Variants in UBAP1 observed in about 807,000 individuals in gnomAD.
UBAP1 encodes ubiquitin associated protein 1, also known as ubiquitin-associated protein 1.
Under a neutral mutation model 39.0 loss-of-function variants are expected in UBAP1, and 5 were observed. That is an observed-to-expected ratio of 0.13 (90% CI 0.07 to 0.27). The LOEUF (loss-of-function observed/expected upper bound fraction) is 0.27. Among genes scored for constraint, UBAP1 ranks in the 10% least tolerant of loss-of-function variants. The pLI, the probability that UBAP1 is intolerant of heterozygous loss-of-function variation, is 1.00. For synonymous variants in UBAP1, 211 were observed against 225.1 expected, an observed-to-expected ratio of 0.94 and a Z score of 0.56; for missense variants, 490 against 608.1, an observed-to-expected ratio of 0.81 and a Z score of 2.04.
At chr9:34,240,073 A>G (rs1221590104) in intron 3 of UBAP1, among the ~76,000 whole-genome samples, 3 of 152,182 alleles carry the variant, frequency 2.0e-5, no homozygotes, top group Admixed American at 6.5e-5. Flanking sequence ...TATAGCCTCC[A>G]TTTTTATTAG....
chr9:34,192,140 G>A (rs937873984), intron 1 of UBAP1, among the ~76,000 whole-genome samples: 1 of 150,924 alleles, frequency 6.6e-6, no homozygotes, highest in Non-Finnish European at 1.5e-5. Flanking sequence ...CACGGTCCCC[G>A]GCCTGTATAA....
At chr9:34,191,159 A>T (rs1430580249) in intron 1 of UBAP1, among the ~76,000 whole-genome samples, 1 of 152,196 alleles carries the variant, frequency 6.6e-6, no homozygotes, top group Non-Finnish European at 1.5e-5. Flanking sequence ...GCTGGACAGC[A>T]CTGTTGTAGG....
In UBAP1 at chr9:34,182,628, T is replaced by C. The variant is rs1028152933; in HGVS notation, c.-8+3388T>C. 2.6e-3 allele frequency among the ~76,000 whole-genome samples: 123 copies of C among 47,370 alleles called. 3 individuals are homozygous for C. Among genetic ancestry groups the C allele is most frequent in the African/African-American group, 6.8e-3 (116 of 17,004 alleles). 31.1% of individuals were successfully genotyped at this position (47,370 alleles called of 152,430 possible). A position where few individuals can be genotyped will look rare whatever the true frequency, so the allele number is the denominator to read the frequency against. Reference sequence around the variant, plus strand: ...TTTTCTTTCTTTCCTTCTTTCTTTCTTTCTTTCTTTCTTTCTTTCTTTCTT... The same window carrying C: ...TTTTCTTTCTTTCCTTCTTTCTTTCCTTCTTTCTTTCTTTCTTTCTTTCTT... On this transcript the variant is annotated intron_variant, in intron 1 of 6. Transcript: ENST00000297661.
intron 1 of UBAP1, among the ~76,000 whole-genome samples, chr9:34,199,480 C>T (rs1463462678): frequency 6.6e-6 from 1 of 152,144 alleles, no homozygotes; most frequent in African/African-American, 2.4e-5. Context: ...CAGAGAGTTC[C>T]TGGCTATCCC....
intron 1 of UBAP1, among the ~76,000 whole-genome samples, chr9:34,217,414 T>G (rs937633819): frequency 6.6e-6 from 1 of 152,102 alleles, no homozygotes; most frequent in Non-Finnish European, 1.5e-5. Flanking sequence ...TTTTTGTATT[T>G]TTGTAGATAC....
At chr9:34,238,543 T>C (rs1173792478) in intron 3 of UBAP1, among the ~76,000 whole-genome samples, 2 of 152,222 alleles carry the variant, frequency 1.3e-5, no homozygotes, top group Non-Finnish European at 2.9e-5. Flanking sequence ...TTTCATTATA[T>C]ACATTCTTGT....
chr9:34,224,512 G>T (rs970334597), intron 2 of UBAP1: 3 of 395,554 alleles, frequency 7.6e-6, no homozygotes, highest in Middle Eastern at 3.7e-4. Flanking sequence ...CGTGGCAGGG[G>T]CCAATGTTGG....
intron 1 of UBAP1, among the ~76,000 whole-genome samples, chr9:34,202,599 A>G (rs1214005882): frequency 1.6e-5 from 2 of 125,956 alleles, no homozygotes; most frequent in Non-Finnish European, 3.3e-5. Flanking sequence ...TATGGGAGTT[A>G]TGGGCCAGAA....
At chr9:34,195,196 C>T (rs563849863) in intron 1 of UBAP1, among the ~76,000 whole-genome samples, 1 of 150,916 alleles carries the variant, frequency 6.6e-6, no homozygotes. Context: ...CATTGAAGTC[C>T]CCTTTAGTTT....
chr9:34,235,001 T>A (rs929094615), intron 3 of UBAP1, among the ~76,000 whole-genome samples: 1 of 152,046 alleles, frequency 6.6e-6, no homozygotes, highest in Non-Finnish European at 1.5e-5. Flanking sequence ...TGAAACAAGA[T>A]GGGAAGGTGG....
chr9:34,247,129 A>AAT, intron 4 of UBAP1, among the ~76,000 whole-genome samples: 1 of 152,266 alleles, frequency 6.6e-6, no homozygotes, highest in Non-Finnish European at 1.5e-5. Flanking sequence ...CCCTGGAGTA[A>AAT]ATAAATTTGG....
At chr9:34,206,455 A>G (rs1178247775) in intron 1 of UBAP1, among the ~76,000 whole-genome samples, 1 of 152,108 alleles carries the variant, frequency 6.6e-6, no homozygotes, top group Non-Finnish European at 1.5e-5. Flanking sequence ...GGCTGCAGTG[A>G]GTCAAGATTG....
At chr9:34,183,436 T>G (rs1262649814) in intron 1 of UBAP1, among the ~76,000 whole-genome samples, 3 of 151,208 alleles carry the variant, frequency 2.0e-5, no homozygotes, top group African/African-American at 7.3e-5. Context: ...TCCCAGCTAC[T>G]CGGGAGGCTG....
intron 4 of UBAP1, among the ~76,000 whole-genome samples, chr9:34,242,926 C>G (rs532154657): frequency 6.6e-6 from 1 of 152,304 alleles, no homozygotes; most frequent in South Asian, 2.1e-4. Flanking sequence ...CCATAACAAG[C>G]CTGCTATTAG....
Position 34,241,443 on chromosome 9 carries a change from A to G in UBAP1, c.418A>G (p.Thr140Ala), listed in dbSNP as rs199903252. 1.2e-6 allele frequency: 2 copies of G among 1,604,852 alleles called. No homozygotes were observed. Among genetic ancestry groups the G allele is most frequent in the East Asian group, 2.2e-5 (1 of 44,838 alleles). ...LTPTRVSSSA[T>A]KQKVLSPPHI... ...ACCAACTCGGGTCAGCAGTAGTGCC[A>G]CGAAACAGAAAGTTCTCAGCCCACC... Residue 140 changes from threonine (T) to alanine (A), a missense_variant, in exon 4 of 7, where the codon ACG becomes GCG. Thr to Ala is a moderately conservative substitution (Grantham distance 58). Coordinates refer to ENST00000297661, the MANE Select transcript of UBAP1 (RefSeq NM_016525.5).
At chr9:34,207,029 G>A (rs966301537) in intron 1 of UBAP1, among the ~76,000 whole-genome samples, 17 of 131,356 alleles carry the variant, frequency 1.3e-4, no homozygotes, top group African/African-American at 3.3e-4. Context: ...TTTTTTCTGC[G>A]TTTGCTTAAT....
At chr9:34,225,090 A>G (rs1832974453) in intron 2 of UBAP1, among the ~76,000 whole-genome samples, 2 of 152,226 alleles carry the variant, frequency 1.3e-5, no homozygotes, top group African/African-American at 2.4e-5. Flanking sequence ...GAGCCTGTGG[A>G]TTGGTCCTCC....
At chr9:34,183,462 G>A (rs1003560671) in intron 1 of UBAP1, among the ~76,000 whole-genome samples, 19 of 150,906 alleles carry the variant, frequency 1.3e-4, no homozygotes, top group Admixed American at 7.9e-4. Flanking sequence ...GGAGAATGGC[G>A]TGAACCCGGC....
In UBAP1 at chr9:34,220,575, C is replaced by T. The variant is rs538730605; in HGVS notation, c.-7-333C>T. 47 of 202,328 alleles carry T rather than the reference C, an allele frequency of 2.3e-4. No homozygotes were observed. The East Asian group carries it at 6.6e-3, about 28-fold the overall frequency. The allele number at this position is 202,328 out of a possible 1,614,324, so 12.5% of individuals were successfully genotyped here. A position where few individuals can be genotyped will look rare whatever the true frequency, so the allele number is the denominator to read the frequency against. On this transcript the variant is annotated intron_variant, in intron 1 of 6. Coordinates refer to ENST00000297661, the MANE Select transcript of UBAP1 (RefSeq NM_016525.5). Reference sequence around the variant, plus strand: ...TCCTGTGCTCAAGTGATCCTCCCAGCTCGGCCTCACAAAGTACTGGGATAT... The same window carrying T: ...TCCTGTGCTCAAGTGATCCTCCCAGTTCGGCCTCACAAAGTACTGGGATAT...
Sources: gnomAD v4.1 joint callset for allele counts (sites outside exome capture counted in the v4.1 genomes callset) on GRCh38, gnomAD v4.1.1 for gene constraint, MANE v1.5 for transcripts, NCBI Gene and HGNC (gene_info 2026-07-23, HGNC 2026-07-21) for gene names.